The following CHODL variants were observed in gnomAD, a reference collection of about 807,000 sequenced individuals.
CHODL encodes the protein transmembrane protein MT75.
Under a neutral mutation model 34.5 loss-of-function variants are expected in CHODL, and 29 were observed. The observed-to-expected ratio is 0.84, with a 90% CI of 0.63 to 1.15. CHODL has a LOEUF of 1.15. Ranked by LOEUF, CHODL falls within the 50% of genes most tolerant of loss-of-function variation. The pLI is 0.00. For synonymous variants in CHODL, 125 were observed against 116.1 expected (o/e 1.08, Z -0.49); for missense variants, 332 against 332.5 (o/e 1.00, Z 0.01).
chr21:18,189,866 C>T (rs79056821), intron 2 of CHODL, among the ~76,000 whole-genome samples: 1,627 of 152,062 alleles, frequency 0.011, 64 homozygotes, highest in Admixed American at 0.067. Flanking sequence ...AACTTGTGAC[C>T]TCAGAAGATC....
At chr21:18,161,906 A>G (rs2073099978) in intron 2 of CHODL, among the ~76,000 whole-genome samples, 2 of 152,216 alleles carry the variant, frequency 1.3e-5, no homozygotes, top group Admixed American at 1.3e-4. Context: ...CATGTATTCA[A>G]GTATAACCTA....
intron 2 of CHODL, among the ~76,000 whole-genome samples, chr21:18,054,624 A>G (rs1350976131): frequency 6.6e-6 from 1 of 151,886 alleles, no homozygotes; most frequent in East Asian, 1.9e-4. Context: ...GGATAAAAAG[A>G]TGTTGGTCAA....
intron 2 of CHODL, among the ~76,000 whole-genome samples, chr21:18,034,300 A>G (rs1221935220): frequency 6.6e-6 from 1 of 152,072 alleles, no homozygotes; most frequent in Non-Finnish European, 1.5e-5. Flanking sequence ...TCTGTGCACC[A>G]GGTGACCTGA....
chr21:17,982,841 C>T (rs2146377546), intron 1 of CHODL, among the ~76,000 whole-genome samples: 1 of 151,270 alleles, frequency 6.6e-6, no homozygotes, highest in South Asian at 2.1e-4. Context: ...CTTCTGAGTA[C>T]CTGGGATTAC....
chr21:18,248,581 A>ATT (rs2074172717), intron 1 of CHODL, among the ~76,000 whole-genome samples: 1 of 138,512 alleles, frequency 7.2e-6, no homozygotes, highest in African/African-American at 2.7e-5. Context: ...AAGGTAATGT[A>ATT]TTTTATATAT....
intron 1 of CHODL, among the ~76,000 whole-genome samples, chr21:18,254,958 C>A (rs1457179736): frequency 1.3e-5 from 2 of 151,682 alleles, no homozygotes; most frequent in Admixed American, 6.6e-5. Flanking sequence ...CTCAAAAATT[C>A]TTTTAAGCTT....
In CHODL at chr21:17,961,063, C is replaced by T. The variant is rs552088506; in HGVS notation, c.-145+43663C>T. The stretch of plus-strand genomic sequence containing the variant: ...ATACAAAGACGTGCCTTTGTCATCC[C>T]CTATATTCCGAGTGCCTAATAGTAT... On this transcript the variant is annotated intron_variant, in intron 1 of 6. Coordinates refer to the CHODL transcript ENST00000400127. 1.3e-4 allele frequency among the ~76,000 whole-genome samples: 20 copies of T among 152,210 alleles called. 1 individual carries two copies. The South Asian group carries it at 3.7e-3, about 28-fold the overall frequency.
At chr21:18,158,838 T>TAAAA (rs11423104) in intron 2 of CHODL, among the ~76,000 whole-genome samples, 4 of 121,148 alleles carry the variant, frequency 3.3e-5, no homozygotes, top group East Asian at 2.3e-4. Context: ...AACTCCGTCT[T>TAAAA]AAAAAAAAAA....
At chr21:18,210,536 A>G (rs2073761310) in intron 2 of CHODL, among the ~76,000 whole-genome samples, 1 of 152,188 alleles carries the variant, frequency 6.6e-6, no homozygotes, top group African/African-American at 2.4e-5. Context: ...GGGGAGGACA[A>G]CTGGTGAAGT....
chr21:18,118,594 A>G (rs1191738666), intron 2 of CHODL, among the ~76,000 whole-genome samples: 1 of 152,194 alleles, frequency 6.6e-6, no homozygotes, highest in African/African-American at 2.4e-5. Flanking sequence ...AATGGGTCCT[A>G]TATTTCATGT....
intron 2 of CHODL, among the ~76,000 whole-genome samples, chr21:18,085,047 G>C (rs560948977): frequency 1.3e-5 from 2 of 151,144 alleles, no homozygotes; most frequent in East Asian, 3.9e-4. Flanking sequence ...ATTATATAAT[G>C]ATCTTCTTTT....
chr21:18,024,255 T>C (rs377439203), intron 1 of CHODL, among the ~76,000 whole-genome samples: 36 of 152,304 alleles, frequency 2.4e-4, no homozygotes, highest in African/African-American at 8.7e-4. Context: ...AAAGACGAGG[T>C]CTCACTTGTT....
At chr21:18,048,714 A>G (rs1393739860) in intron 2 of CHODL, among the ~76,000 whole-genome samples, 2 of 151,958 alleles carry the variant, frequency 1.3e-5, no homozygotes, top group Non-Finnish European at 2.9e-5. Flanking sequence ...TAAGCACTGG[A>G]ACTGCCCAAA....
intron 1 of CHODL, among the ~76,000 whole-genome samples, chr21:18,254,432 A>G (rs555625151): frequency 2.6e-5 from 4 of 152,290 alleles, no homozygotes; most frequent in South Asian, 4.1e-4. Flanking sequence ...GCTATGGACT[A>G]TGGAAAGCAG....
At chr21:18,216,920 A>G (rs532768896) in intron 2 of CHODL, among the ~76,000 whole-genome samples, 56 of 152,310 alleles carry the variant, frequency 3.7e-4, no homozygotes, top group Non-Finnish European at 7.1e-4. Flanking sequence ...CTCCCATGAC[A>G]CGTGGAGATT....
intron 2 of CHODL, among the ~76,000 whole-genome samples, chr21:18,048,837 G>T (rs1216907814): frequency 2.0e-5 from 3 of 151,668 alleles, no homozygotes; most frequent in African/African-American, 4.8e-5. Flanking sequence ...CCTTCTGGGG[G>T]GCAGAAATGC....
chr21:18,183,921 G>A (rs1415349976), intron 2 of CHODL, among the ~76,000 whole-genome samples: 1 of 152,016 alleles, frequency 6.6e-6, no homozygotes, highest in East Asian at 1.9e-4. Context: ...AAGTCTGATT[G>A]TTTTTTAGCC....
chr21:18,001,969 T>A (rs1423405264), intron 1 of CHODL, among the ~76,000 whole-genome samples: 2 of 152,166 alleles, frequency 1.3e-5, no homozygotes, highest in Non-Finnish European at 2.9e-5. Context: ...GCTATCTGAA[T>A]AATTAAAGTT....
intron 1 of CHODL, among the ~76,000 whole-genome samples, chr21:17,985,017 A>C (rs921054775): frequency 2.0e-5 from 3 of 152,060 alleles, no homozygotes; most frequent in Non-Finnish European, 4.4e-5. Context: ...GTTTCTGTTT[A>C]TTAGTCTTCG....
Sources: allele counts gnomAD v4.1 joint callset (sites outside exome capture counted in the v4.1 genomes callset), GRCh38; gene constraint gnomAD v4.1.1; transcripts MANE v1.5; gene names NCBI Gene and HGNC (gene_info 2026-07-23, HGNC 2026-07-21).